The following ZNF469 variants were observed in gnomAD, a reference collection of about 807,000 sequenced individuals.
ZNF469 encodes the protein zinc finger protein 469.
ZNF469 carries 1 observed loss-of-function variant against 1.0 expected under a neutral mutation model. That is an observed-to-expected ratio of 1.00 (90% CI 0.35 to 4.73). The LOEUF (loss-of-function observed/expected upper bound fraction) is 4.73. Among genes scored for constraint, ZNF469 ranks in the 30% most tolerant of loss-of-function variants. ZNF469 has a pLI of 0.16. For synonymous variants in ZNF469, 2,703 were observed against 2,363.4 expected (o/e 1.14, Z -4.17); for missense variants, 6,100 against 5,356.3 (o/e 1.14, Z -4.33).
At chr16:88,138,122 T>G in the ZNF469 span, among the ~76,000 whole-genome samples, 1 of 152,176 alleles carries the variant, frequency 6.6e-6, no homozygotes, top group Non-Finnish European at 1.5e-5. Context: ...TCAAGGTGTG[T>G]TGAAACTATC....
At chr16:88,118,320 G>A in the ZNF469 span, among the ~76,000 whole-genome samples, 3 of 152,144 alleles carry the variant, frequency 2.0e-5, no homozygotes, top group South Asian at 2.1e-4. Flanking sequence ...AGAATTCTTC[G>A]CAGTGTTCTG....
At chr16:88,188,234 AC>A in the ZNF469 span, among the ~76,000 whole-genome samples, 10 of 151,380 alleles carry the variant, frequency 6.6e-5, no homozygotes, top group African/African-American at 1.9e-4. Flanking sequence ...TGACACCCCA[AC>A]ACCTCCTCTC....
chr16:88,363,774 T>C, the ZNF469 span, among the ~76,000 whole-genome samples: 1 of 152,210 alleles, frequency 6.6e-6, no homozygotes, highest in Non-Finnish European at 1.5e-5. Context: ...CTTTTTTCCA[T>C]GTGCAGATGC....
At chr16:88,182,724 T>A in the ZNF469 span, among the ~76,000 whole-genome samples, 1 of 151,378 alleles carries the variant, frequency 6.6e-6, no homozygotes, top group Middle Eastern at 3.4e-3. Context: ...AACTTATACC[T>A]TACATTAAAT....
chr16:88,282,747 G>A, the ZNF469 span, among the ~76,000 whole-genome samples: 1 of 152,184 alleles, frequency 6.6e-6, no homozygotes. Context: ...CCCGTAAAGG[G>A]TCATCCCTGT....
the ZNF469 span, among the ~76,000 whole-genome samples, chr16:88,335,347 C>T: frequency 3.3e-5 from 5 of 152,344 alleles, no homozygotes; most frequent in African/African-American, 4.8e-5. Flanking sequence ...GATGCACTTC[C>T]GCTCCACATG....
At chr16:88,409,382 C>T (rs944589847) in intron 1 of ZNF469, among the ~76,000 whole-genome samples, 3 of 152,194 alleles carry the variant, frequency 2.0e-5, no homozygotes, top group South Asian at 2.1e-4. Flanking sequence ...AACGTGAAAG[C>T]GGGAGGGCAG....
chr16:88,127,370 C>T, the ZNF469 span, among the ~76,000 whole-genome samples: 9 of 152,334 alleles, frequency 5.9e-5, no homozygotes, highest in South Asian at 1.0e-3. Context: ...TCCAGGATCT[C>T]GCTAGAATAG....
At chr16:88,141,443 G>A in the ZNF469 span, among the ~76,000 whole-genome samples, 94 of 134,862 alleles carry the variant, frequency 7.0e-4, 2 homozygotes, top group Non-Finnish European at 1.1e-3. Context: ...AGGTACCCCC[G>A]TCCTGGTCCC....
chr16:88,236,040 A>G, the ZNF469 span, among the ~76,000 whole-genome samples: 1 of 152,250 alleles, frequency 6.6e-6, no homozygotes, highest in Non-Finnish European at 1.5e-5. Flanking sequence ...CTCAACAGAA[A>G]GGAGTGTCTG....
chr16:88,323,441 A>G, the ZNF469 span, among the ~76,000 whole-genome samples: 1 of 152,142 alleles, frequency 6.6e-6, no homozygotes. Context: ...TCTCTGTAGC[A>G]TTTGTGTTTT....
chr16:88,353,852 G>A, the ZNF469 span, among the ~76,000 whole-genome samples: 1 of 152,284 alleles, frequency 6.6e-6, no homozygotes, highest in South Asian at 2.1e-4. Flanking sequence ...GGACCAGGAA[G>A]GAAGCTCTCC....
chr16:88,243,911 CATATATATATATATAT>C, the ZNF469 span, among the ~76,000 whole-genome samples: 136 of 26,276 alleles, frequency 5.2e-3, 8 homozygotes, highest in East Asian at 0.14. Context: ...TGGCTGGATG[CATATATATATATATAT>C]ATATATATAT....
At chr16:88,282,158 A>T in the ZNF469 span, among the ~76,000 whole-genome samples, 18 of 152,202 alleles carry the variant, frequency 1.2e-4, no homozygotes, top group Non-Finnish European at 2.4e-4. Flanking sequence ...GGATGGACCA[A>T]GGGCCAGAAA....
chr16:88,414,059 G>A (rs1019983510), intron 1 of ZNF469, among the ~76,000 whole-genome samples: 8 of 152,162 alleles, frequency 5.3e-5, no homozygotes, highest in South Asian at 4.1e-4. Context: ...CTACACCCTC[G>A]GGTCTGGGAC....
the ZNF469 span, among the ~76,000 whole-genome samples, chr16:88,133,172 G>C: frequency 1.3e-5 from 2 of 152,252 alleles, no homozygotes; most frequent in South Asian, 4.1e-4. Flanking sequence ...CACCTCACTC[G>C]GGAAGGCGGG....
rs1449649681 is a variant in ZNF469, at chr16:88,432,570, C to T, written c.5100C>T (p.Ala1700=). ...TCCATTTTCAGCCAGTGCAGAAAGC[C>T]GGAGCCTCCAAGACTGGACTTTGCC... The part of the protein sequence containing the change: ...ANFHFQPVQK[A]GASKTGLCQA... The change falls in exon 3 of 3, where the codon GCC becomes GCT. Residue 1700 remains alanine, a synonymous_variant. Transcript: ENST00000565624. 9 of 1,550,428 alleles carry T rather than the reference C, an allele frequency of 5.8e-6. No homozygotes were observed. The highest frequency in any genetic ancestry group is 1.7e-4 in the Middle Eastern group (1 of 5,992).
chr16:88,272,775 CA>C, the ZNF469 span, among the ~76,000 whole-genome samples: 1 of 137,798 alleles, frequency 7.3e-6, no homozygotes, highest in African/African-American at 2.8e-5. Flanking sequence ...GACGAGTGGA[CA>C]GGTGGATGAA....
the ZNF469 span, among the ~76,000 whole-genome samples, chr16:88,369,031 A>T: frequency 6.6e-6 from 1 of 151,514 alleles, no homozygotes; most frequent in East Asian, 1.9e-4. Flanking sequence ...GTGAGCTGAG[A>T]TTGCACCACT....
Sources: allele counts gnomAD v4.1 joint callset (sites outside exome capture counted in the v4.1 genomes callset), GRCh38; gene constraint gnomAD v4.1.1; transcripts MANE v1.5; gene names NCBI Gene and HGNC (gene_info 2026-07-23, HGNC 2026-07-21).